ALPK2: variants seen among roughly 807,000 people sequenced by gnomAD.
ALPK2 encodes alpha-protein kinase 2.
ALPK2 carries 127 observed loss-of-function variants against 163.1 expected under a neutral mutation model. The observed-to-expected ratio is 0.78, with a 90% CI of 0.67 to 0.90. ALPK2 has a LOEUF of 0.90. Ranked by LOEUF, ALPK2 falls within the 40% of genes least tolerant of loss-of-function variation. The pLI is 0.00. For synonymous variants in ALPK2, 953 were observed against 959.1 expected (o/e 0.99, Z 0.12); for missense variants, 2,360 against 2,589.6 (o/e 0.91, Z 1.92).
chr18:58,535,900 G>C lies in ALPK2; in HGVS notation c.4287C>G (p.Gly1429=). The C allele has an allele frequency of 6.2e-7, 1 of 1,614,154 alleles. No homozygotes were observed. ...CATTTGATTGACCCCCTTCTCTGGC[G>C]CCCTGTGGTGTGGTTTCAGAGGGCT... is the stretch of plus-strand genomic sequence containing the variant. ...KPEPSETTPQ[G]AREGGQSNDG... is the part of the protein sequence containing the mutation. Residue 1429 remains glycine, a synonymous_variant, in exon 5 of 13, where the codon GGC becomes GGG. Transcript: ENST00000361673.
chr18:58,584,144 T>A (rs1056489420), intron 3 of ALPK2, among the ~76,000 whole-genome samples: 6 of 152,246 alleles, frequency 3.9e-5, no homozygotes, highest in Admixed American at 3.9e-4. Context: ...TTATGAAACA[T>A]GTTTTAGTTG....
chr18:58,580,028 C>G lies in ALPK2; in HGVS notation c.748G>C (p.Asp250His), dbSNP rs762050119. The G allele has an allele frequency of 1.9e-6, 3 of 1,614,254 alleles. No individual in the cohort carries two copies. The highest frequency in any genetic ancestry group is 2.2e-5 in the East Asian group (1 of 44,892). ...CGTAAGCCTTCATCATGAGGACCATCATTGTTCAGGTCACCATCCGTGAAC... is the reference window on the plus strand; with the variant it reads ...CGTAAGCCTTCATCATGAGGACCATGATTGTTCAGGTCACCATCCGTGAAC... Reference protein sequence around the residue: ...SKFTDGDLNNDGPHDEGLRSS... With the variant: ...SKFTDGDLNNHGPHDEGLRSS... The change falls in exon 4 of 13, where the codon GAT (aspartate) becomes CAT (histidine). Residue 250 changes from aspartate (D) to histidine (H), a missense_variant. Asp to His is a moderately conservative substitution (Grantham distance 81). Transcript: ENST00000361673.
chr18:58,547,001 G>T (rs1225455986), intron 4 of ALPK2, among the ~76,000 whole-genome samples: 1 of 123,336 alleles, frequency 8.1e-6, no homozygotes. Context: ...GAAAAATGGA[G>T]TAGGGTGATG....
chr18:58,500,466 T>C (rs1163285993), intron 11 of ALPK2, among the ~76,000 whole-genome samples: 1 of 152,174 alleles, frequency 6.6e-6, no homozygotes, highest in African/African-American at 2.4e-5. Context: ...AAAGAAAACT[T>C]CCCCCTGTCA....
intron 3 of ALPK2, 55 bp downstream of exon 3, chr18:58,607,267 A>C: frequency 1.5e-6 from 2 of 1,307,394 alleles, no homozygotes; most frequent in Non-Finnish European, 1.1e-6. Flanking sequence ...AGTAATCAGC[A>C]CATGACAGAA....
intron 12 of ALPK2, among the ~76,000 whole-genome samples, chr18:58,492,086 C>T (rs1382868106): frequency 6.6e-6 from 1 of 152,154 alleles, no homozygotes; most frequent in Non-Finnish European, 1.5e-5. Flanking sequence ...CGCCGTTAGT[C>T]CCTCATTGTT....
intron 1 of ALPK2, among the ~76,000 whole-genome samples, chr18:58,623,324 C>T (rs2052212187): frequency 6.6e-6 from 1 of 150,932 alleles, no homozygotes; most frequent in South Asian, 2.1e-4. Flanking sequence ...CCCCCACCCA[C>T]CTCAGACTCC....
In ALPK2 at chr18:58,540,397, C is replaced by T. The variant is rs113349589; in HGVS notation, c.1963-2173G>A. On this transcript the variant is annotated intron_variant, in intron 4 of 12. Transcript: ENST00000361673. Reference sequence around the variant, plus strand: ...GTATATTTATTCCCTTTCTATATCCCTTTTTCTTCTTTATTAAAAAGAAGA... The same window carrying T: ...GTATATTTATTCCCTTTCTATATCCTTTTTTCTTCTTTATTAAAAAGAAGA... Among the ~76,000 whole-genome samples the T allele has an allele frequency of 9.3e-3, 1,410 of 152,302 alleles. 11 individuals carry two copies. The highest frequency in any genetic ancestry group is 0.015 in the Non-Finnish European group (1,012 of 68,006).
intron 4 of ALPK2, among the ~76,000 whole-genome samples, chr18:58,556,288 T>C (rs1360365690): frequency 6.6e-6 from 1 of 152,216 alleles, no homozygotes; most frequent in Non-Finnish European, 1.5e-5. Context: ...ACCACTGTTA[T>C]CGACAGTTAT....
rs778639979 is a variant in ALPK2 at position 58,482,011 on chromosome 18, T to C, written c.6325A>G (p.Met2109Val). ...GYKGFKGNCSMTFIDQFKALH... is the reference protein window; with the variant it reads ...GYKGFKGNCSVTFIDQFKALH... Reference sequence around the variant, plus strand: ...GCTTTAAACTGATCAATGAAGGTCATGGAACAGTTGCCTTTAAATCCCTTG... The same window carrying C: ...GCTTTAAACTGATCAATGAAGGTCACGGAACAGTTGCCTTTAAATCCCTTG... Residue 2109 changes from methionine (M) to valine (V), a missense_variant, in exon 13 of 13, where the codon ATG becomes GTG. Transcript: ENST00000361673. The C allele has an allele frequency of 1.7e-5, 27 of 1,614,072 alleles. No homozygotes were observed. In the Admixed American group the frequency reaches 2.5e-4, roughly 15 times the overall value.
chr18:58,566,620 G>T (rs12607390), intron 4 of ALPK2: 20,336 of 152,156 alleles, frequency 0.13, 1,862 homozygotes, highest in East Asian at 0.42. Context: ...CTCCCCTGCT[G>T]CCACCCAAAT....
chr18:58,525,967 G>GAAAAAA lies in ALPK2; in HGVS notation c.5502-1911_5502-1906dup, dbSNP rs10653750. Reference sequence around the variant, plus strand: ...TACTGGGGGATTCAATGATGAAAAAGAAAAAAAAAAAAAAAAAAAGGCACA... The same window carrying GAAAAAA: ...TACTGGGGGATTCAATGATGAAAAAGAAAAAAAAAAAAAAAAAAAAAAAAAGGCACA... On this transcript the variant is annotated intron_variant, in intron 6 of 12. Coordinates refer to ENST00000361673, the MANE Select transcript of ALPK2 (RefSeq NM_052947.4). Among the ~76,000 whole-genome samples, 30 of 117,702 alleles carry GAAAAAA rather than the reference G, an allele frequency of 2.5e-4. 1 individual carries two copies. The highest frequency in any genetic ancestry group is 3.0e-4 in the East Asian group (1 of 3,388). The allele number at this position is 117,702 out of a possible 152,430, so 77.2% of individuals were successfully genotyped here. A position where few individuals can be genotyped will look rare whatever the true frequency, so the allele number is the denominator to read the frequency against.
chr18:58,587,235 C>A (rs2051992044), intron 3 of ALPK2, among the ~76,000 whole-genome samples: 1 of 152,098 alleles, frequency 6.6e-6, no homozygotes, highest in African/African-American at 2.4e-5. Flanking sequence ...GGGTCACAGA[C>A]AACAAAGAAT....
intron 3 of ALPK2, among the ~76,000 whole-genome samples, chr18:58,601,623 G>A (rs749314570): frequency 7.2e-5 from 11 of 152,142 alleles, no homozygotes; most frequent in African/African-American, 1.2e-4. Flanking sequence ...GTCCTCCTGG[G>A]GGATGAGAGC....
In ALPK2 at chr18:58,628,971, C is replaced by T. The variant is rs1200829713; in HGVS notation, c.-228G>A. ...TCATCTCTTCCTAAGAGGGGAAATT[C>T]CATGCCCGGGGAAGTTCTGGAAGAA... On this transcript the variant is annotated 5_prime_UTR_variant, in exon 1 of 13. Coordinates refer to ENST00000361673, the MANE Select transcript of ALPK2 (RefSeq NM_052947.4). 3 of 152,248 alleles carry T rather than the reference C, an allele frequency of 2.0e-5. No homozygotes were observed. Among genetic ancestry groups the T allele is most frequent in the Non-Finnish European group, 4.4e-5 (3 of 68,054 alleles). 9.4% of individuals were successfully genotyped at this position (152,248 alleles called of 1,614,324 possible).
In ALPK2 at chr18:58,535,394, G is replaced by A. The variant is rs2051638664; in HGVS notation, c.4793C>T (p.Pro1598Leu). ...GGTAAGATCAGGAGAAGAGGGCAAA[G>A]GTTTCCCACGCTCATTCTCAATAGT... ...RGTIENERGK[P>L]LPSSPDLTRF... Residue 1598 changes from proline (P) to leucine (L), a missense_variant, in exon 5 of 13, where the codon CCT becomes CTT. Physicochemically the swap from Pro to Leu is moderately conservative, Grantham distance 98. Transcript: ENST00000361673. 2 of 1,614,182 alleles carry A rather than the reference G, an allele frequency of 1.2e-6. No individual in the cohort carries two copies. Among genetic ancestry groups the A allele is most frequent in the Non-Finnish European group, 1.7e-6 (2 of 1,180,010 alleles).
rs747406679 is a variant in ALPK2 at position 58,579,662 on chromosome 18, C to T, written c.1114G>A (p.Gly372Ser). 8.7e-6 allele frequency: 14 copies of T among 1,613,952 alleles called. No individual in the cohort carries two copies. The highest frequency in any genetic ancestry group is 6.7e-5 in the East Asian group (3 of 44,886). Residue 372 changes from glycine to serine, a missense_variant, in exon 4 of 13, where the codon GGT (glycine) becomes AGT (serine). Gly to Ser is a moderately conservative substitution (Grantham distance 56, BLOSUM62 0). Transcript: ENST00000361673. ...EEMEFGEHCL[G>S]GCEHFLSGMG... ...CCACTGAGGAAATGCTCACACCCAC[C>T]CAGGCAATGCTCACCGAATTCCATC...
At chr18:58,512,138 T>G (rs1296760007) in intron 10 of ALPK2, 1 of 152,166 alleles carries the variant, frequency 6.6e-6, no homozygotes, top group Non-Finnish European at 1.5e-5. Context: ...GCACCCTGAT[T>G]CCCTCCTGAG....
chr18:58,543,273 ATTTCT>A (rs2051700530), intron 4 of ALPK2: 1 of 822,844 alleles, frequency 1.2e-6, no homozygotes, highest in Non-Finnish European at 1.5e-6. Context: ...TAAGAAATAC[ATTTCT>A]TTTCTTTATA....
Sources: allele counts gnomAD v4.1 joint callset (sites outside exome capture counted in the v4.1 genomes callset), GRCh38; gene constraint gnomAD v4.1.1; transcripts MANE v1.5; gene names NCBI Gene and HGNC (gene_info 2026-07-23, HGNC 2026-07-21).